The following DLG2 variants were observed in gnomAD, a reference collection of about 807,000 sequenced individuals.
The protein encoded by DLG2 is discs large MAGUK scaffold protein 2, also known as disks large homolog 2.
In DLG2, 45 loss-of-function variants were observed where a neutral mutation model predicts 132.5. The ratio of observed to expected loss-of-function variants is 0.34; its 90% CI spans 0.27 to 0.44. DLG2 has a LOEUF of 0.44. Among genes scored for constraint, DLG2 ranks in the 20% least tolerant of loss-of-function variants. The pLI is 1.00. For synonymous variants in DLG2, 424 were observed against 419.6 expected, an observed-to-expected ratio of 1.01 and a Z score of -0.13; for missense variants, 1,045 against 1,196.9, an observed-to-expected ratio of 0.87 and a Z score of 1.87.
chr11:84,703,857 G>GATATATATGTGTGTATATATATAT (rs1555174774), intron 6 of DLG2, among the ~76,000 whole-genome samples: 2 of 102,714 alleles, frequency 1.9e-5, no homozygotes, highest in African/African-American at 8.2e-5. Context: ...ATGTAGTGAA[G>GATATATATGTGTGTATATATATAT]ATATATATAT....
At chr11:83,970,256 T>C (rs2091064020) in intron 12 of DLG2, among the ~76,000 whole-genome samples, 1 of 152,144 alleles carries the variant, frequency 6.6e-6, no homozygotes, top group Non-Finnish European at 1.5e-5. Context: ...ATTTTTAAGG[T>C]GGGCAGTGAA....
At chr11:84,985,528 A>C (rs1458836652) in intron 6 of DLG2, among the ~76,000 whole-genome samples, 5 of 152,172 alleles carry the variant, frequency 3.3e-5, no homozygotes, top group Admixed American at 3.3e-4. Context: ...AAAAAGTCTG[A>C]AAGAGCACAG....
intron 3 of DLG2, among the ~76,000 whole-genome samples, chr11:85,349,952 G>C (rs913531069): frequency 4.6e-5 from 7 of 152,184 alleles, no homozygotes; most frequent in Admixed American, 3.9e-4. Context: ...AGGTCAAATG[G>C]TATTTCTAGT....
At chr11:84,075,512 A>G (rs575742988) in intron 10 of DLG2, among the ~76,000 whole-genome samples, 39 of 152,182 alleles carry the variant, frequency 2.6e-4, no homozygotes, top group Non-Finnish European at 5.1e-4. Context: ...TCAGTAATAA[A>G]ATATATGCAA....
At chr11:84,624,398 C>G (rs1301437346) in intron 6 of DLG2, among the ~76,000 whole-genome samples, 1 of 152,112 alleles carries the variant, frequency 6.6e-6, no homozygotes, top group African/African-American at 2.4e-5. Context: ...ACATATAAAA[C>G]TTTAACACAC....
At position 83,463,248 on chromosome 11, in the gene DLG2, G is replaced by C. The variant is rs1434672264; in HGVS notation, c.2730-1155C>G. On this transcript the variant is annotated intron_variant, in intron 26 of 27. Coordinates refer to ENST00000376104, the MANE Select transcript of DLG2 (RefSeq NM_001142699.3). ...CAAGACTTGATATCTTTCAAAAGAG[G>C]CTATTTGGAAAAAAAAAAAACAATA... 2.9e-5 allele frequency among the ~76,000 whole-genome samples: 4 copies of C among 140,062 alleles called. No individual in the cohort carries two copies. The East Asian group carries it at 6.1e-4, about 21-fold the overall frequency. The allele number at this position is 140,062 out of a possible 152,430, so 91.9% of individuals were successfully genotyped here.
At chr11:85,512,939 C>T (rs1298576188) in intron 3 of DLG2, among the ~76,000 whole-genome samples, 3 of 152,064 alleles carry the variant, frequency 2.0e-5, no homozygotes, top group Non-Finnish European at 4.4e-5. Context: ...ATGGAATCAA[C>T]CCAGTTGCCC....
At position 85,394,662 on chromosome 11, in the gene DLG2, C is replaced by T. The variant is rs375253659; in HGVS notation, c.41-109297G>A. ...AAGACATTTATTGAGCAATGAATCA[C>T]TGAATAAGGCCCAGCCATTCAAGAA... On this transcript the variant is annotated intron_variant, in intron 3 of 27. Coordinates refer to ENST00000376104, the MANE Select transcript of DLG2 (RefSeq NM_001142699.3). 3.3e-5 allele frequency among the ~76,000 whole-genome samples: 5 copies of T among 152,308 alleles called. No individual in the cohort carries two copies. The East Asian group carries it at 9.6e-4, about 29-fold the overall frequency.
At chr11:84,638,133 G>A (rs1034323767) in intron 6 of DLG2, among the ~76,000 whole-genome samples, 4 of 152,166 alleles carry the variant, frequency 2.6e-5, no homozygotes, top group Non-Finnish European at 4.4e-5. Context: ...TCAATTCATT[G>A]TCTTGAAATC....
intron 4 of DLG2, among the ~76,000 whole-genome samples, chr11:85,222,770 CT>C (rs2074733662): frequency 1.3e-5 from 2 of 152,184 alleles, no homozygotes; most frequent in Non-Finnish European, 2.9e-5. Flanking sequence ...TGAATTGCAG[CT>C]TTCATTGTAC....
chr11:84,662,280 G>A (rs754372588), intron 6 of DLG2, among the ~76,000 whole-genome samples: 2 of 146,254 alleles, frequency 1.4e-5, no homozygotes, highest in Non-Finnish European at 3.0e-5. Flanking sequence ...AGGTTCAAAT[G>A]ATTCTCCTGC....
At position 83,466,774 on chromosome 11, in the gene DLG2, C is replaced by T. The variant is rs2091114424; in HGVS notation, c.2663G>A (p.Arg888Gln). 3.1e-6 allele frequency: 5 copies of T among 1,613,574 alleles called. No homozygotes were observed. The highest frequency in any genetic ancestry group is 1.1e-5 in the South Asian group (1 of 91,072). Residue 888 changes from arginine (R) to glutamine (Q), a missense_variant, in exon 26 of 28, where the codon CGG becomes CAG. Transcript: ENST00000376104. ...GGGATAGAGCTGGGCAACTTGTAAC[C>T]GCTTGATAGCATTTCCTGATACATC... ...ILDVSGNAIK[R>Q]LQVAQLYPIA...
chr11:84,858,436 C>A (rs2083090397), intron 6 of DLG2, among the ~76,000 whole-genome samples: 1 of 152,008 alleles, frequency 6.6e-6, no homozygotes, highest in Admixed American at 6.6e-5. Context: ...AACAATGGCT[C>A]TGAAATTGTG....
At chr11:83,718,124 T>C (rs1327542814) in intron 18 of DLG2, among the ~76,000 whole-genome samples, 1 of 152,168 alleles carries the variant, frequency 6.6e-6, no homozygotes, top group East Asian at 1.9e-4. Flanking sequence ...TAAATTAAAA[T>C]GCAATAGTTT....
At chr11:84,149,226 G>C (rs560361070) in intron 9 of DLG2, among the ~76,000 whole-genome samples, 2 of 152,050 alleles carry the variant, frequency 1.3e-5, no homozygotes, top group East Asian at 3.9e-4. Flanking sequence ...CTTTAATTAG[G>C]TCCCGTTTGT....
chr11:84,058,915 A>G (rs1023816999), intron 11 of DLG2, among the ~76,000 whole-genome samples: 4 of 152,054 alleles, frequency 2.6e-5, no homozygotes, highest in Non-Finnish European at 5.9e-5. Context: ...CATTATAAAA[A>G]TATAATTGTT....
chr11:83,899,928 AGAGACTGGTT>A (rs1164620163), intron 15 of DLG2, among the ~76,000 whole-genome samples: 3 of 152,228 alleles, frequency 2.0e-5, no homozygotes, highest in Non-Finnish European at 4.4e-5. Context: ...GGAACTCCCT[AGAGACTGGTT>A]GAATGGCTTT....
At chr11:83,588,866 G>A (rs1008765379) in intron 19 of DLG2, among the ~76,000 whole-genome samples, 3 of 152,172 alleles carry the variant, frequency 2.0e-5, no homozygotes, top group Admixed American at 1.3e-4. Flanking sequence ...GAGCCGATGC[G>A]ATCAACTGGA....
chr11:83,604,203 G>T (rs951820639), intron 19 of DLG2, among the ~76,000 whole-genome samples: 4 of 152,160 alleles, frequency 2.6e-5, no homozygotes, highest in African/African-American at 7.2e-5. Flanking sequence ...AAATATACTA[G>T]AAAAATTTAT....
Sources: allele counts gnomAD v4.1 joint callset (sites outside exome capture counted in the v4.1 genomes callset), GRCh38; gene constraint gnomAD v4.1.1; transcripts MANE v1.5; gene names NCBI Gene and HGNC (gene_info 2026-07-23, HGNC 2026-07-21).